UBE2V1: variants seen among roughly 807,000 people sequenced by gnomAD.
UBE2V1 encodes ubiquitin conjugating enzyme E2 V1.
UBE2V1 carries 15 observed loss-of-function variants against 19.6 expected under a neutral mutation model. The observed-to-expected ratio is 0.77, with a 90% CI of 0.51 to 1.18. The LOEUF is 1.18. Ranked by LOEUF, UBE2V1 falls within the 50% of genes most tolerant of loss-of-function variation. The pLI, the probability that UBE2V1 is intolerant of heterozygous loss-of-function variation, is 0.00. For synonymous variants in UBE2V1, 60 were observed against 60.7 expected, an observed-to-expected ratio of 0.99 and a Z score of 0.05; for missense variants, 125 against 184.8, an observed-to-expected ratio of 0.68 and a Z score of 1.88.
chr20:50,085,559 A>G (rs1334580403), intron 2 of UBE2V1, among the ~76,000 whole-genome samples: 3 of 152,086 alleles, frequency 2.0e-5, no homozygotes, highest in Non-Finnish European at 2.9e-5. Context: ...CTCCGGCATC[A>G]GTACCCTCTC....
At chr20:50,088,664 T>C (rs1457680712) in intron 2 of UBE2V1, among the ~76,000 whole-genome samples, 1 of 151,812 alleles carries the variant, frequency 6.6e-6, no homozygotes, top group Non-Finnish European at 1.5e-5. Context: ...GGTGCGCCTG[T>C]GGTCTTGGCT....
At chr20:50,113,916 T>TA (rs1010358877), upstream of UBE2V1, among the ~76,000 whole-genome samples, 1 of 152,180 alleles carries the variant, frequency 6.6e-6, no homozygotes, top group Admixed American at 6.5e-5. Context: ...TTCAGGGACT[T>TA]ACATTCTAGT....
rs557736378 is a variant in UBE2V1, at chr20:50,094,305, AAT to A, written c.171+2365_171+2366del. On this transcript the variant is annotated intron_variant, in intron 2 of 3. Coordinates refer to ENST00000371674, the MANE Select transcript of UBE2V1 (RefSeq NM_001032288.3). ...CATTATATAATATATAATTATATAT[AAT>A]ATATGTCCATCTTCAAAGGAGGAAA... Among the ~76,000 whole-genome samples the A allele has an allele frequency of 8.2e-4, 118 of 143,880 alleles. 2 individuals are homozygous for A. Among genetic ancestry groups the A allele is most frequent in the African/African-American group, 2.8e-3 (111 of 39,478 alleles). The allele number at this position is 143,880 out of a possible 152,430, so 94.4% of individuals were successfully genotyped here. A position where few individuals can be genotyped will look rare whatever the true frequency, so the allele number is the denominator to read the frequency against.
At chr20:50,106,422 G>A (rs1353540972) in intron 1 of UBE2V1, among the ~76,000 whole-genome samples, 2 of 152,278 alleles carry the variant, frequency 1.3e-5, no homozygotes, top group African/African-American at 2.4e-5. Flanking sequence ...TATATTTGTG[G>A]TACAAAAAGG....
intron 1 of UBE2V1, among the ~76,000 whole-genome samples, chr20:50,100,275 T>A (rs2079900292): frequency 7.5e-6 from 1 of 133,616 alleles, no homozygotes; most frequent in African/African-American, 3.2e-5. Flanking sequence ...AGCAAGAACC[T>A]GTCTCTATTT....
At chr20:50,111,227 T>C (rs532330036) in intron 1 of UBE2V1, 3 of 983,544 alleles carry the variant, frequency 3.1e-6, no homozygotes, top group African/African-American at 3.5e-5. Context: ...AGTGCTCTTG[T>C]ATTCCACTAG....
At chr20:50,103,014 C>T (rs898262879) in intron 1 of UBE2V1, among the ~76,000 whole-genome samples, 6 of 152,204 alleles carry the variant, frequency 3.9e-5, no homozygotes, top group African/African-American at 1.4e-4. Context: ...TGTCCATTCC[C>T]TTATCTTGCC....
chr20:50,113,172 C>T (rs184663098), upstream of UBE2V1: 96 of 1,268,184 alleles, frequency 7.6e-5, no homozygotes, highest in East Asian at 2.8e-4. Context: ...CTTCACCCCC[C>T]CCTTACCCGT....
At chr20:50,111,533 G>T in intron 1 of UBE2V1, 1 of 1,000,308 alleles carries the variant, frequency 1.0e-6, no homozygotes, top group Non-Finnish European at 1.2e-6. Context: ...GCAGCGTCAT[G>T]GTAAATGAAT....
intron 1 of UBE2V1, among the ~76,000 whole-genome samples, chr20:50,101,882 C>T (rs2080023800): frequency 6.6e-6 from 1 of 152,186 alleles, no homozygotes; most frequent in South Asian, 2.1e-4. Context: ...ACAGAACCTA[C>T]CAGAGGACAC....
At chr20:50,102,087 G>A (rs1027059054) in intron 1 of UBE2V1, among the ~76,000 whole-genome samples, 4 of 152,154 alleles carry the variant, frequency 2.6e-5, no homozygotes, top group Non-Finnish European at 4.4e-5. Flanking sequence ...TACTGCTAAC[G>A]TCTCAGGATA....
In UBE2V1 at chr20:50,082,695, A is replaced by G; in HGVS notation, c.*73T>C. 6.4e-7 allele frequency: 1 copy of G among 1,568,748 alleles called. No individual in the cohort carries two copies. Among genetic ancestry groups the G allele is most frequent in the Non-Finnish European group, 8.6e-7 (1 of 1,166,622 alleles). ...TCTACAAGACGTATCTAGAAAATTT[A>G]CTACTGTGGAAAATGAAGACTGATT... On this transcript the variant is annotated 3_prime_UTR_variant, in exon 4 of 4. Coordinates refer to ENST00000371674, the MANE Select transcript of UBE2V1 (RefSeq NM_001032288.3).
chr20:50,098,861 C>T (rs1355976186), intron 1 of UBE2V1: 1 of 943,132 alleles, frequency 1.1e-6, no homozygotes, highest in Non-Finnish European at 1.3e-6. Context: ...TGAAAGGAAA[C>T]AGCAAAACCT....
At chr20:50,112,125 T>C (rs2147227321) in intron 1 of UBE2V1, among the ~76,000 whole-genome samples, 1 of 152,322 alleles carries the variant, frequency 6.6e-6, no homozygotes, top group South Asian at 2.1e-4. Flanking sequence ...GAAGAGACAC[T>C]TCTAGGATAT....
chr20:50,087,623 C>T (rs2078997941), intron 2 of UBE2V1, among the ~76,000 whole-genome samples: 1 of 152,194 alleles, frequency 6.6e-6, no homozygotes, highest in Non-Finnish European at 1.5e-5. Context: ...GTTGATATGG[C>T]TCATGCTTTG....
upstream of UBE2V1, chr20:50,113,223 G>C (rs541854768): frequency 1.6e-4 from 164 of 1,045,362 alleles, no homozygotes; most frequent in African/African-American, 2.0e-3. Flanking sequence ...ACGCACATAC[G>C]CCGCCGCTGA....
intron 2 of UBE2V1, among the ~76,000 whole-genome samples, chr20:50,091,373 TATATTC>T (rs1192260114): frequency 6.6e-6 from 1 of 150,390 alleles, no homozygotes; most frequent in Non-Finnish European, 1.5e-5. Flanking sequence ...TTTACAAGAA[TATATTC>T]ATATTCATTA....
At chr20:50,091,514 G>A (rs1197058967) in intron 2 of UBE2V1, among the ~76,000 whole-genome samples, 3 of 138,682 alleles carry the variant, frequency 2.2e-5, no homozygotes, top group Admixed American at 1.6e-4. Flanking sequence ...TGATTCTCCT[G>A]CCTCAGCCTC....
intron 2 of UBE2V1, chr20:50,084,476 G>T: frequency 1.3e-6 from 1 of 760,738 alleles, no homozygotes; most frequent in Non-Finnish European, 2.2e-6. Flanking sequence ...GAGCATTTAA[G>T]CTAGTACCAG....
Sources: allele counts gnomAD v4.1 joint callset (sites outside exome capture counted in the v4.1 genomes callset), GRCh38; gene constraint gnomAD v4.1.1; transcripts MANE v1.5; gene names NCBI Gene and HGNC (gene_info 2026-07-23, HGNC 2026-07-21).